Variants in CDYL2 observed in about 807,000 individuals in gnomAD.
CDYL2 encodes chromodomain Y-like protein 2.
A neutral mutation model predicts 49.4 loss-of-function variants in CDYL2; 23 were observed. The observed-to-expected ratio is 0.47, with a 90% CI of 0.34 to 0.66. The LOEUF (loss-of-function observed/expected upper bound fraction) is 0.66, where lower values mean the gene tolerates loss of function less well. Ranked by LOEUF, CDYL2 falls within the 30% of genes least tolerant of loss-of-function variation. CDYL2 has a pLI of 0.01. For missense variants in CDYL2, 678 were observed against 656.4 expected (o/e 1.03, Z -0.36); for synonymous variants, 360 against 268.8 (o/e 1.34, Z -3.32).
chr16:80,758,595 G>T (rs150891057), intron 1 of CDYL2, among the ~76,000 whole-genome samples: 3,913 of 149,450 alleles, frequency 0.026, 89 homozygotes, highest in Non-Finnish European at 0.034. Flanking sequence ...CAGGCTGGAG[G>T]GCAGTGGCAC....
At chr16:80,670,647 G>C (rs1423429808) in intron 2 of CDYL2, among the ~76,000 whole-genome samples, 1 of 152,120 alleles carries the variant, frequency 6.6e-6, no homozygotes, top group African/African-American at 2.4e-5. Flanking sequence ...GAACCCCGGG[G>C]CTCCGTGGAC....
intron 2 of CDYL2, among the ~76,000 whole-genome samples, chr16:80,634,617 T>G (rs1490852654): frequency 6.6e-6 from 1 of 152,108 alleles, no homozygotes; most frequent in Non-Finnish European, 1.5e-5. Flanking sequence ...ATTGTGCACA[T>G]GTACCCTAGA....
intron 6 of CDYL2, among the ~76,000 whole-genome samples, chr16:80,607,070 C>A (rs1906370454): frequency 6.6e-6 from 1 of 152,150 alleles, no homozygotes; most frequent in Non-Finnish European, 1.5e-5. Flanking sequence ...CAAGGTGGGG[C>A]AAATTGGTGA....
chr16:80,616,151 G>C (rs905934732), intron 4 of CDYL2, among the ~76,000 whole-genome samples: 3 of 152,214 alleles, frequency 2.0e-5, no homozygotes, highest in Non-Finnish European at 2.9e-5. Flanking sequence ...AAGACTCAGA[G>C]TGAAGTCTCA....
At position 80,612,322 on chromosome 16, in the gene CDYL2, A is replaced by T. The variant is rs1328089808; in HGVS notation, c.1218+304T>A. On this transcript the variant is annotated intron_variant, in intron 5 of 6. Transcript: ENST00000570137. This position sits in a 1 kb window ranked among gnomAD's most constrained non-coding sequence, Gnocchi z 5.0. Reference sequence around the variant, plus strand: ...GGATGAAGGCAAGTTTTGTTGTTAAAGCCACTGAGACCGTGGGCTGCTTGT... The same window carrying T: ...GGATGAAGGCAAGTTTTGTTGTTAATGCCACTGAGACCGTGGGCTGCTTGT... Among the ~76,000 whole-genome samples, 1 of 152,194 alleles carries T rather than the reference A, an allele frequency of 6.6e-6. No homozygotes were observed. The highest frequency in any genetic ancestry group is 1.5e-5 in the Non-Finnish European group (1 of 68,016).
At chr16:80,675,490 T>TCA (rs1555529235) in intron 2 of CDYL2, among the ~76,000 whole-genome samples, 3 of 152,098 alleles carry the variant, frequency 2.0e-5, no homozygotes, top group African/African-American at 7.2e-5. Flanking sequence ...ATTGCTACCA[T>TCA]CACCACCACC....
chr16:80,766,195 G>A (rs1360398372), intron 1 of CDYL2, among the ~76,000 whole-genome samples: 1 of 151,906 alleles, frequency 6.6e-6, no homozygotes, highest in Non-Finnish European at 1.5e-5. Flanking sequence ...GCACAACTCT[G>A]TGAATGCACT....
At position 80,603,572 on chromosome 16, in the gene CDYL2, C is replaced by CA. The variant is rs1906191730; in HGVS notation, c.*815dup. 6.6e-6 allele frequency: 1 copy of CA among 152,480 alleles called. No individual in the cohort carries two copies. 9.4% of individuals were successfully genotyped at this position (152,480 alleles called of 1,614,324 possible). On this transcript the variant is annotated 3_prime_UTR_variant, in exon 7 of 7. Coordinates refer to ENST00000570137, the MANE Select transcript of CDYL2 (RefSeq NM_152342.4). The stretch of plus-strand genomic sequence containing the variant: ...TACATGGTTCATTGCTAGAATGCAC[C>CA]AAACGGCATGAACCTTGTGTGGGAT...
At chr16:80,670,589 G>A (rs1296270300) in intron 2 of CDYL2, among the ~76,000 whole-genome samples, 1 of 152,126 alleles carries the variant, frequency 6.6e-6, no homozygotes. Context: ...CATGGAGAAG[G>A]GAGCGCTGGA....
chr16:80,664,391 C>CG (rs957377007), intron 2 of CDYL2, among the ~76,000 whole-genome samples: 1 of 152,170 alleles, frequency 6.6e-6, no homozygotes, highest in African/African-American at 2.4e-5. Context: ...CCCCAAGCGC[C>CG]GGGAACAGCC....
At chr16:80,632,664 G>T (rs757518905) in intron 3 of CDYL2, 5 of 259,752 alleles carry the variant, frequency 1.9e-5, no homozygotes, top group Non-Finnish European at 3.0e-5. Flanking sequence ...TTATATCTGC[G>T]GCCAACAAAT....
chr16:80,782,717 G>T (rs996766585), intron 1 of CDYL2, among the ~76,000 whole-genome samples: 3 of 151,992 alleles, frequency 2.0e-5, no homozygotes, highest in African/African-American at 7.2e-5. Flanking sequence ...AATGTAATAT[G>T]TCACATGAGT....
chr16:80,757,499 A>G (rs1906350802), intron 1 of CDYL2, among the ~76,000 whole-genome samples: 1 of 150,560 alleles, frequency 6.6e-6, no homozygotes, highest in South Asian at 2.1e-4. Flanking sequence ...TGATCATTCT[A>G]CTGCATTCCA....
At position 80,642,093 on chromosome 16, in the gene CDYL2, T is replaced by C. The variant is rs183691155; in HGVS notation, c.617-8857A>G. 1.6e-4 allele frequency among the ~76,000 whole-genome samples: 24 copies of C among 152,110 alleles called. No homozygotes were observed. The East Asian group carries it at 4.6e-3, about 29-fold the overall frequency. On this transcript the variant is annotated intron_variant, in intron 2 of 6. Transcript: ENST00000570137. The stretch of plus-strand genomic sequence containing the variant: ...AACAACTCTTCAAGACATAGTACAA[T>C]AAGATATAAATAGAAACAGAAGTTG...
intron 3 of CDYL2, among the ~76,000 whole-genome samples, chr16:80,632,177 A>C (rs184468814): frequency 1.5e-3 from 233 of 152,352 alleles, no homozygotes; most frequent in African/African-American, 5.1e-3. Context: ...AAGTCGAACA[A>C]ATAGAAAAGG....
At chr16:80,694,802 T>C (rs1399738963) in intron 1 of CDYL2, among the ~76,000 whole-genome samples, 1 of 152,076 alleles carries the variant, frequency 6.6e-6, no homozygotes, top group East Asian at 1.9e-4. Context: ...ACTCTAGGGC[T>C]GGGACAGAAA....
rs1909006935 is a variant in CDYL2 at position 80,660,742 on chromosome 16, A to C, written c.616+23796T>G. Among the ~76,000 whole-genome samples the C allele has an allele frequency of 4.6e-5, 7 of 152,362 alleles. No individual in the cohort carries two copies. The South Asian group carries it at 1.5e-3, about 32-fold the overall frequency. On this transcript the variant is annotated intron_variant, in intron 2 of 6. Coordinates refer to ENST00000570137, the MANE Select transcript of CDYL2 (RefSeq NM_152342.4). ...ATTTCCTGAGGAGAAACTCTGAGAC[A>C]GAAAGAGGGATCTCAACTCAGCAAA...
chr16:80,796,697 T>C (rs1015359495), intron 1 of CDYL2, among the ~76,000 whole-genome samples: 5 of 152,310 alleles, frequency 3.3e-5, no homozygotes, highest in Admixed American at 6.5e-5. Context: ...ACTAGAAAAG[T>C]GGAGATGACT....
At chr16:80,656,792 C>T (rs1299924767) in intron 2 of CDYL2, among the ~76,000 whole-genome samples, 1 of 152,096 alleles carries the variant, frequency 6.6e-6, no homozygotes, top group African/African-American at 2.4e-5. Flanking sequence ...AACACTGACA[C>T]AAAGCAGTCA....
Sources: allele counts gnomAD v4.1 joint callset (sites outside exome capture counted in the v4.1 genomes callset), GRCh38; gene constraint gnomAD v4.1.1; non-coding constraint Gnocchi (gnomAD v3.1); transcripts MANE v1.5; gene names NCBI Gene and HGNC (gene_info 2026-07-23, HGNC 2026-07-21).